ARHGEF15: variants seen among roughly 807,000 people sequenced by gnomAD.
The protein encoded by ARHGEF15 is Rho guanine nucleotide exchange factor 15, also known as Rho guanine nucleotide exchange factor (GEF) 15.
In ARHGEF15, 58 loss-of-function variants were observed where a neutral mutation model predicts 79.7. That is an observed-to-expected ratio of 0.73 (90% CI 0.59 to 0.91). The LOEUF (loss-of-function observed/expected upper bound fraction) is 0.91, where lower values mean the gene tolerates loss of function less well. Among genes scored for constraint, ARHGEF15 ranks in the 40% least tolerant of loss-of-function variants. The pLI, the probability that ARHGEF15 is intolerant of heterozygous loss-of-function variation, is 0.00. For missense variants in ARHGEF15, 1,012 were observed against 1,108.1 expected, an observed-to-expected ratio of 0.91 and a Z score of 1.23; for synonymous variants, 442 against 456.0, an observed-to-expected ratio of 0.97 and a Z score of 0.39.
intron 15 of ARHGEF15, among the ~76,000 whole-genome samples, chr17:8,319,855 C>T (rs1326951267): frequency 4.6e-5 from 7 of 151,826 alleles, no homozygotes; most frequent in South Asian, 4.2e-4. Context: ...AGGCTGGTCT[C>T]GAACTAACCT....
In ARHGEF15 at chr17:8,315,746, T is replaced by A. The variant is rs749293171; in HGVS notation, c.1422-9T>A. The A allele has an allele frequency of 5.0e-6, 8 of 1,609,762 alleles. No homozygotes were observed. The highest frequency in any genetic ancestry group is 6.8e-6 in the Non-Finnish European group (8 of 1,177,782). On this transcript the variant is annotated splice_polypyrimidine_tract_variant and intron_variant, in intron 7 of 15. Transcript: ENST00000361926. The surrounding 1 kb of genome is among the most constrained non-coding windows in gnomAD (Gnocchi z 4.3). ...CCCGCCCCATTGCTTGCTTCCCCAA[T>A]TCCTTCAGGTTTCTAGCAACGCTCC...
chr17:8,314,753 A>AAAG, intron 4 of ARHGEF15, 153 bp from the exon 5 acceptor site: 1 of 766,308 alleles, frequency 1.3e-6, no homozygotes, highest in East Asian at 3.5e-5. Context: ...AAAAAAAAAA[A>AAAG]AAAAAAAAAA....
Position 8,321,057 on chromosome 17 carries a change from C to A in ARHGEF15, c.*64C>A. 1 of 1,591,024 alleles carries A rather than the reference C, an allele frequency of 6.3e-7. No individual in the cohort carries two copies. The highest frequency in any genetic ancestry group is 8.6e-7 in the Non-Finnish European group (1 of 1,162,732). On this transcript the variant is annotated 3_prime_UTR_variant, in exon 16 of 16. Coordinates refer to ENST00000361926, the MANE Select transcript of ARHGEF15 (RefSeq NM_173728.4). ...CCAGTGTGGCACGGAGAGAACAAAGCCCATTCATCCATTGGATTCACTGTC... is the reference window on the plus strand; with the variant it reads ...CCAGTGTGGCACGGAGAGAACAAAGACCATTCATCCATTGGATTCACTGTC...
chr17:8,319,491 C>T lies in ARHGEF15; in HGVS notation c.2270-8C>T, dbSNP rs746873400. ...AGAATCACTTTAATGTCACCCACCC[C>T]CAACCAGACTGTTCCCAGGAACTGT... On this transcript the variant is annotated splice_region_variant and splice_polypyrimidine_tract_variant and intron_variant, in intron 14 of 15. Coordinates refer to ENST00000361926, the MANE Select transcript of ARHGEF15 (RefSeq NM_173728.4). The T allele has an allele frequency of 3.8e-6, 6 of 1,594,344 alleles. No individual in the cohort carries two copies. The highest frequency in any genetic ancestry group is 5.1e-6 in the Non-Finnish European group (6 of 1,171,434).
Position 8,315,634 on chromosome 17 carries a change from C to T in ARHGEF15, c.1421+60C>T. 1 of 1,598,430 alleles carries T rather than the reference C, an allele frequency of 6.3e-7. No homozygotes were observed. ...CTTAGGCTGCTGGGCACGCCCTTTCCTCTCTCCCGGGCCCAGGTCCTTCCT... is the reference window on the plus strand; with the variant it reads ...CTTAGGCTGCTGGGCACGCCCTTTCTTCTCTCCCGGGCCCAGGTCCTTCCT... On this transcript the variant is annotated intron_variant, in intron 7 of 15. Transcript: ENST00000361926. This position sits in a 1 kb window ranked among gnomAD's most constrained non-coding sequence, Gnocchi z 4.3.
intron 15 of ARHGEF15, among the ~76,000 whole-genome samples, 177 bp from the exon 16 acceptor site, chr17:8,320,665 C>G (rs1262434300): frequency 6.6e-6 from 1 of 152,144 alleles, no homozygotes; most frequent in Non-Finnish European, 1.5e-5. Context: ...AGCCCAGACT[C>G]TCTCCGAGCT....
At chr17:8,313,385 GGTGCTGAAGAGA>G in intron 3 of ARHGEF15, 104 bp from the exon 4 acceptor site, 1 of 1,494,028 alleles carries the variant, frequency 6.7e-7, no homozygotes, top group East Asian at 2.3e-5. Flanking sequence ...CTGCTGCTCT[GGTGCTGAAGAGA>G]GTTGCAGTTT....
In ARHGEF15 at chr17:8,320,971, C is replaced by T; in HGVS notation, c.2504C>T (p.Thr835Ile). 2 of 1,613,564 alleles carry T rather than the reference C, an allele frequency of 1.2e-6. No homozygotes were observed. Among genetic ancestry groups the T allele is most frequent in the Non-Finnish European group, 1.7e-6 (2 of 1,179,624 alleles). Reference sequence around the variant, plus strand: ...GAGGCTGTTGGATCTTCTTCAGGCACCCCCAATGCCCCCCCACCCTAATGC... The same window carrying T: ...GAGGCTGTTGGATCTTCTTCAGGCATCCCCAATGCCCCCCCACCCTAATGC... ...LLEAVGSSSGTPNAPPP is the reference protein window; with the variant it reads ...LLEAVGSSSGIPNAPPP Residue 835 changes from threonine (T) to isoleucine (I), a missense_variant, in exon 16 of 16, where the codon ACC becomes ATC. Physicochemically the swap from Thr to Ile is moderately conservative, Grantham distance 89. Coordinates refer to ENST00000361926, the MANE Select transcript of ARHGEF15 (RefSeq NM_173728.4).
In ARHGEF15 at chr17:8,313,227, C is replaced by T. The variant is rs1904783764; in HGVS notation, c.907C>T (p.Leu303=). 1 of 1,605,698 alleles carries T rather than the reference C, an allele frequency of 6.2e-7. No homozygotes were observed. Among genetic ancestry groups the T allele is most frequent in the African/African-American group, 1.3e-5 (1 of 75,058 alleles). Residue 303 remains leucine, a synonymous_variant, in exon 3 of 16, where the codon CTG becomes TTG. Transcript: ENST00000361926. ...FGDPPQPDLD[L]LSEDGIQTGD... is the part of the protein sequence containing the mutation. Reference sequence around the variant, plus strand: ...GGACCCCCCACAGCCAGATCTTGATCTGCTTTCTGAAGATGGAATCCAAAC... The same window carrying T: ...GGACCCCCCACAGCCAGATCTTGATTTGCTTTCTGAAGATGGAATCCAAAC...
Position 8,318,725 on chromosome 17 carries a change from C to A in ARHGEF15, c.1873-25C>A. 1 of 1,611,236 alleles carries A rather than the reference C, an allele frequency of 6.2e-7. No homozygotes were observed. Among genetic ancestry groups the A allele is most frequent in the Non-Finnish European group, 8.5e-7 (1 of 1,178,638 alleles). ...CATGTTGCTGCTGCCACGCTAGAAC[C>A]TCCTCTGCCTCCGCTTCCTCGCAGG... On this transcript the variant is annotated intron_variant, in intron 11 of 15. Coordinates refer to ENST00000361926, the MANE Select transcript of ARHGEF15 (RefSeq NM_173728.4). This position sits in a 1 kb window ranked among gnomAD's most constrained non-coding sequence, Gnocchi z 5.0.
At position 8,315,651 on chromosome 17, in the gene ARHGEF15, G is replaced by A; in HGVS notation, c.1421+77G>A. ...GCCCTTTCCTCTCTCCCGGGCCCAG[G>A]TCCTTCCTTCTACGGACCCAGTTAG... is the stretch of plus-strand genomic sequence containing the variant. On this transcript the variant is annotated intron_variant, in intron 7 of 15. Transcript: ENST00000361926. This position sits in a 1 kb window ranked among gnomAD's most constrained non-coding sequence, Gnocchi z 4.3. 7 of 1,592,240 alleles carry A rather than the reference G, an allele frequency of 4.4e-6. No individual in the cohort carries two copies. The highest frequency in any genetic ancestry group is 2.2e-5 in the East Asian group (1 of 44,594).
intron 4 of ARHGEF15, 174 bp downstream of exon 4, chr17:8,313,729 A>G: frequency 1.7e-6 from 1 of 581,122 alleles, no homozygotes. Context: ...GCCCTTATCA[A>G]TTCTGTGATC....
intron 3 of ARHGEF15, 104 bp downstream of exon 3, chr17:8,313,358 C>T: frequency 6.7e-7 from 1 of 1,495,624 alleles, no homozygotes. Flanking sequence ...GCACTGGGCT[C>T]TTTGCTTCCC....
At chr17:8,314,428 T>C (rs1597462598) in intron 4 of ARHGEF15, among the ~76,000 whole-genome samples, 1 of 150,990 alleles carries the variant, frequency 6.6e-6, no homozygotes, top group Non-Finnish European at 1.5e-5. Flanking sequence ...TGGTGGGAGG[T>C]GTGAGAGTTT....
At position 8,315,718 on chromosome 17, in the gene ARHGEF15, T is replaced by C; in HGVS notation, c.1422-37T>C. 6.2e-7 allele frequency: 1 copy of C among 1,601,594 alleles called. No individual in the cohort carries two copies. The highest frequency in any genetic ancestry group is 1.7e-5 in the Admixed American group (1 of 59,180). On this transcript the variant is annotated intron_variant, in intron 7 of 15. Transcript: ENST00000361926. This position sits in a 1 kb window ranked among gnomAD's most constrained non-coding sequence, Gnocchi z 4.3. ...CAAGAACCCGGGAGACCTGGCTCTC[T>C]GCCCCGCCCCATTGCTTGCTTCCCC...
chr17:8,315,926 G>T lies in ARHGEF15; in HGVS notation c.1574+19G>T. 6.2e-7 allele frequency: 1 copy of T among 1,606,358 alleles called. No individual in the cohort carries two copies. ...GCCTCATGTGAGTGTCCCAGGGGTG[G>T]GGAGGAAGCTGGGGAGAGGGATGGG... On this transcript the variant is annotated intron_variant, in intron 8 of 15. Transcript: ENST00000361926. This position sits in a 1 kb window ranked among gnomAD's most constrained non-coding sequence, Gnocchi z 4.3.
intron 2 of ARHGEF15, 76 bp downstream of exon 2, chr17:8,312,716 A>G: frequency 6.2e-7 from 1 of 1,605,986 alleles, no homozygotes; most frequent in Non-Finnish European, 8.5e-7. Context: ...AACAACTTTC[A>G]GGGGCTACCT....
At position 8,318,988 on chromosome 17, in the gene ARHGEF15, C is replaced by T. The variant is rs117474192; in HGVS notation, c.2034-19C>T. 11,320 of 1,611,618 alleles carry T rather than the reference C, an allele frequency of 7.0e-3. 48 individuals carry two copies. Among genetic ancestry groups the T allele is most frequent in the Non-Finnish European group, 8.7e-3 (10,216 of 1,179,042 alleles). On this transcript the variant is annotated intron_variant, in intron 12 of 15. Coordinates refer to ENST00000361926, the MANE Select transcript of ARHGEF15 (RefSeq NM_173728.4). The surrounding 1 kb of genome is among the most constrained non-coding windows in gnomAD (Gnocchi z 5.0). The stretch of plus-strand genomic sequence containing the variant: ...GCGGGACCCCTGCTGTCCTTCTGAA[C>T]GACCTCATCCCTGGGCAGTGGGCAG...
rs1470677348 is a variant in ARHGEF15 at position 8,321,659 on chromosome 17, T to C, written c.*666T>C. On this transcript the variant is annotated 3_prime_UTR_variant, in exon 16 of 16. Transcript: ENST00000361926. ...GCTGACTGTGGTGTGTGTGTGGTGA[T>C]TGTGCTCCTGACCCACAAATGACTG... is the stretch of plus-strand genomic sequence containing the variant. 2 of 152,240 alleles carry C rather than the reference T, an allele frequency of 1.3e-5. No individual in the cohort carries two copies. The highest frequency in any genetic ancestry group is 2.9e-5 in the Non-Finnish European group (2 of 68,086). The allele number at this position is 152,240 out of a possible 1,614,324, so 9.4% of individuals were successfully genotyped here. A position where few individuals can be genotyped will look rare whatever the true frequency, so the allele number is the denominator to read the frequency against.
Sources: gnomAD v4.1 joint callset for allele counts (sites outside exome capture counted in the v4.1 genomes callset) on GRCh38, gnomAD v4.1.1 for gene constraint, Gnocchi (gnomAD v3.1) non-coding constraint, MANE v1.5 for transcripts, NCBI Gene and HGNC (gene_info 2026-07-23, HGNC 2026-07-21) for gene names.